FRMPD2: variants seen among roughly 807,000 people sequenced by gnomAD.
FRMPD2 encodes the protein FERM and PDZ domain-containing protein 2.
In FRMPD2, 96 loss-of-function variants were observed where a neutral mutation model predicts 140.1. The ratio of observed to expected loss-of-function variants is 0.69; its 90% CI spans 0.58 to 0.81. The LOEUF (loss-of-function observed/expected upper bound fraction) is 0.81. Among genes scored for constraint, FRMPD2 ranks in the 40% least tolerant of loss-of-function variants. The probability of loss-of-function intolerance (pLI) is 0.00; values close to 1 mark genes in which losing one functional copy is unlikely to be tolerated. For missense variants in FRMPD2, 1,240 were observed against 1,447.4 expected, an observed-to-expected ratio of 0.86 and a Z score of 2.32; for synonymous variants, 449 against 547.6, an observed-to-expected ratio of 0.82 and a Z score of 2.52.
intron 12 of FRMPD2, among the ~76,000 whole-genome samples, chr10:48,214,419 G>A (rs973631543): frequency 6.6e-6 from 1 of 152,118 alleles, no homozygotes; most frequent in African/African-American, 2.4e-5. Flanking sequence ...TGTAAACTAT[G>A]AGCTCTCAGT....
chr10:48,212,180 C>T, intron 12 of FRMPD2, 71 bp from the exon 13 acceptor site: 1 of 1,481,896 alleles, frequency 6.7e-7, no homozygotes, highest in South Asian at 1.2e-5. Context: ...GGAATGAAAA[C>T]ATTATCTGTA....
At chr10:48,189,625 A>G (rs1032816450) in intron 16 of FRMPD2, among the ~76,000 whole-genome samples, 2 of 152,142 alleles carry the variant, frequency 1.3e-5, no homozygotes, top group Non-Finnish European at 2.9e-5. Context: ...TGTCATGCTC[A>G]CCACCGAATC....
At chr10:48,165,339 G>A (rs1327188242) in intron 27 of FRMPD2, among the ~76,000 whole-genome samples, 1 of 135,504 alleles carries the variant, frequency 7.4e-6, no homozygotes, top group African/African-American at 2.9e-5. Flanking sequence ...CCACTGAGCA[G>A]CCTGTGCCCC....
At chr10:48,262,442 T>G (rs748993669) in intron 1 of FRMPD2, among the ~76,000 whole-genome samples, 76 of 152,258 alleles carry the variant, frequency 5.0e-4, no homozygotes, top group Non-Finnish European at 1.1e-3. Context: ...CAAGAAGACA[T>G]AACAATCTCT....
chr10:48,250,921 C>T (rs775995076), intron 2 of FRMPD2, among the ~76,000 whole-genome samples: 2 of 151,616 alleles, frequency 1.3e-5, no homozygotes, highest in South Asian at 2.1e-4. Context: ...CTCCGCCTCC[C>T]GAGTAGCTGA....
intron 13 of FRMPD2, among the ~76,000 whole-genome samples, chr10:48,208,175 C>A (rs1167506742): frequency 6.6e-6 from 1 of 152,028 alleles, no homozygotes; most frequent in East Asian, 1.9e-4. Flanking sequence ...AAAAGCAGGG[C>A]CACCACAAGA....
At chr10:48,242,808 T>C (rs531576865) in intron 4 of FRMPD2, among the ~76,000 whole-genome samples, 32 of 152,232 alleles carry the variant, frequency 2.1e-4, no homozygotes, top group Admixed American at 7.2e-4. Flanking sequence ...CTGTGGCCTA[T>C]TCCTGTTCAC....
At chr10:48,259,746 A>G (rs1043786933) in intron 1 of FRMPD2, among the ~76,000 whole-genome samples, 14 of 151,970 alleles carry the variant, frequency 9.2e-5, no homozygotes, top group Non-Finnish European at 1.8e-4. Flanking sequence ...CTATTCATAG[A>G]CTTATAGAGC....
At position 48,238,056 on chromosome 10, in the gene FRMPD2, A is replaced by G; in HGVS notation, c.856T>C (p.Ser286Pro). The G allele has an allele frequency of 6.2e-7, 1 of 1,614,032 alleles. No individual in the cohort carries two copies. Among genetic ancestry groups the G allele is most frequent in the Non-Finnish European group, 8.5e-7 (1 of 1,180,002 alleles). ...GRRLSSGSVHSAADSSWPTTP... is the reference protein window; with the variant it reads ...GRRLSSGSVHPAADSSWPTTP... Reference sequence around the variant, plus strand: ...GTTGGCCATGAGCTGTCTGCTGCCGAGTGCACAGATCCAGAGCTGAGCCTC... The same window carrying G: ...GTTGGCCATGAGCTGTCTGCTGCCGGGTGCACAGATCCAGAGCTGAGCCTC... The change falls in exon 8 of 29, where the codon TCG becomes CCG. Residue 286 changes from serine to proline, a missense_variant. Around this residue, in one of 6 missense-constraint regions of FRMPD2, gnomAD observed 1,161 missense variants for 1,055.9 expected, o/e 1.10. Transcript: ENST00000374201.
At chr10:48,226,045 C>T (rs1255797533) in intron 10 of FRMPD2, among the ~76,000 whole-genome samples, 1 of 152,186 alleles carries the variant, frequency 6.6e-6, no homozygotes, top group African/African-American at 2.4e-5. Flanking sequence ...ACTTTCCAAA[C>T]ATAATTCACC....
chr10:48,184,617 T>A lies in FRMPD2; in HGVS notation c.2533A>T (p.Met845Leu). 1.2e-6 allele frequency: 2 copies of A among 1,613,726 alleles called. No individual in the cohort carries two copies. Among genetic ancestry groups the A allele is most frequent in the South Asian group, 2.2e-5 (2 of 91,076 alleles). The part of the protein sequence containing the change: ...EGFTFNMAVR[M>L]IQNSPDNIEL... ...ATGTTGTCAGGGGAATTCTGGATCA[T>A]CCTAACAGCCATGTTGAATGTGAAG... is the stretch of plus-strand genomic sequence containing the variant. Residue 845 changes from methionine (M) to leucine (L), a missense_variant, in exon 20 of 29, where the codon ATG becomes TTG. Met to Leu is a conservative substitution (Grantham distance 15, BLOSUM62 2). Coordinates refer to ENST00000374201, the MANE Select transcript of FRMPD2 (RefSeq NM_001018071.4).
At chr10:48,229,919 T>C (rs975467673) in intron 10 of FRMPD2, among the ~76,000 whole-genome samples, 4 of 152,274 alleles carry the variant, frequency 2.6e-5, no homozygotes, top group Middle Eastern at 3.4e-3. Flanking sequence ...TACAGGTTTC[T>C]GATAACTTCA....
In FRMPD2 at chr10:48,177,888, C is replaced by T. The variant is rs570835758; in HGVS notation, c.2895+159G>A. 106 of 535,002 alleles carry T rather than the reference C, an allele frequency of 2.0e-4. No homozygotes were observed. The South Asian group carries it at 2.2e-3, about 11-fold the overall frequency. The allele number at this position is 535,002 out of a possible 1,614,324, so 33.1% of individuals were successfully genotyped here. ...CCCAGTACCTCTGTTTGTCTCTGAA[C>T]TCATCCCCCAGTGCAGGCCCCCACT... On this transcript the variant is annotated intron_variant, in intron 22 of 28. Coordinates refer to ENST00000374201, the MANE Select transcript of FRMPD2 (RefSeq NM_001018071.4).
chr10:48,255,032 G>A (rs988794159), intron 1 of FRMPD2, among the ~76,000 whole-genome samples: 7 of 152,206 alleles, frequency 4.6e-5, no homozygotes, highest in Non-Finnish European at 7.3e-5. Flanking sequence ...ATCCCACTGC[G>A]TAGAGAGATC....
chr10:48,229,811 T>C (rs1839808502), intron 10 of FRMPD2, among the ~76,000 whole-genome samples: 1 of 152,174 alleles, frequency 6.6e-6, no homozygotes. Flanking sequence ...TGTTATGGTG[T>C]TGGTACTTTT....
chr10:48,237,889 G>T (rs1840006376), intron 8 of FRMPD2, 102 bp downstream of exon 8: 2 of 1,375,432 alleles, frequency 1.5e-6, no homozygotes, highest in South Asian at 2.3e-5. Flanking sequence ...CAGGGAAGTT[G>T]TCCCCTAGAA....
intron 1 of FRMPD2, among the ~76,000 whole-genome samples, chr10:48,264,337 AT>A (rs1232544169): frequency 6.6e-6 from 1 of 152,122 alleles, no homozygotes; most frequent in Admixed American, 6.5e-5. Context: ...AAATAAAGTT[AT>A]CTCTGTTCCG....
intron 27 of FRMPD2, among the ~76,000 whole-genome samples, chr10:48,164,494 T>A (rs1396502746): frequency 6.7e-6 from 1 of 148,914 alleles, no homozygotes; most frequent in East Asian, 2.0e-4. Context: ...CCATACCTGA[T>A]GTAATAGAGC....
intron 10 of FRMPD2, among the ~76,000 whole-genome samples, chr10:48,227,232 T>G (rs968241449): frequency 7.2e-5 from 11 of 152,234 alleles, no homozygotes; most frequent in African/African-American, 2.7e-4. Flanking sequence ...GCTCTTTTTT[T>G]TTGTTTTTTA....
Sources: gnomAD v4.1 joint callset for allele counts (sites outside exome capture counted in the v4.1 genomes callset) on GRCh38, gnomAD v4.1.1 for gene constraint, gnomAD v4.1.1 regional missense constraint, MANE v1.5 for transcripts, NCBI Gene and HGNC (gene_info 2026-07-23, HGNC 2026-07-21) for gene names.